The following ZRANB2 variants were observed in gnomAD, a reference collection of about 807,000 sequenced individuals.
ZRANB2 encodes the protein zinc finger Ran-binding domain-containing protein 2.
Under a neutral mutation model 53.4 loss-of-function variants are expected in ZRANB2, and 19 were observed. The observed-to-expected ratio is 0.36, with a 90% CI of 0.25 to 0.52. ZRANB2 has a LOEUF of 0.52. Among genes scored for constraint, ZRANB2 ranks in the 20% least tolerant of loss-of-function variants. ZRANB2 has a pLI of 0.93. For missense variants in ZRANB2, 309 were observed against 401.1 expected, an observed-to-expected ratio of 0.77 and a Z score of 1.96; for synonymous variants, 145 against 134.8, an observed-to-expected ratio of 1.08 and a Z score of -0.52.
chr1:71,072,572 T>A, intron 4 of ZRANB2, 24 bp from the exon 5 acceptor site: 2 of 1,558,140 alleles, frequency 1.3e-6, no homozygotes, highest in East Asian at 4.5e-5. Context: ...GCACAAATTG[T>A]TACCCTATGA....
Position 71,071,108 on chromosome 1 carries a change from C to T in ZRANB2, c.514-112G>A, listed in dbSNP as rs142774098. On this transcript the variant is annotated intron_variant, in intron 6 of 9. Transcript: ENST00000370920. Reference sequence around the variant, plus strand: ...CCATATGCATATATCACAGGTATCTCAGCAAATTAATTCTGAATTCTAAAA... The same window carrying T: ...CCATATGCATATATCACAGGTATCTTAGCAAATTAATTCTGAATTCTAAAA... 5 of 865,360 alleles carry T rather than the reference C, an allele frequency of 5.8e-6. No homozygotes were observed. The East Asian group carries it at 1.5e-4, about 26-fold the overall frequency. 53.6% of individuals were successfully genotyped at this position (865,360 alleles called of 1,614,324 possible).
chr1:71,071,236 T>C (rs539136579), intron 6 of ZRANB2, among the ~76,000 whole-genome samples: 46 of 152,292 alleles, frequency 3.0e-4, no homozygotes, highest in African/African-American at 1.1e-3. Context: ...GTCACACTTA[T>C]GCATCACCCA....
intron 8 of ZRANB2, chr1:71,067,462 A>T (rs549106878): frequency 3.0e-4 from 87 of 287,176 alleles, no homozygotes; most frequent in African/African-American, 1.9e-3. Flanking sequence ...TCAAGAAGAA[A>T]TAAAAACTAA....
intron 6 of ZRANB2, among the ~76,000 whole-genome samples, chr1:71,071,217 A>C (rs1661587693): frequency 6.6e-6 from 1 of 152,076 alleles, no homozygotes; most frequent in Non-Finnish European, 1.5e-5. Context: ...GGCCATACAC[A>C]CTTTTTCTGT....
chr1:71,078,634 A>G (rs746034218), intron 2 of ZRANB2, 22 bp downstream of exon 2: 1 of 1,610,910 alleles, frequency 6.2e-7, no homozygotes, highest in South Asian at 1.1e-5. Flanking sequence ...CAGTATAAAT[A>G]GAATCTTCTT....
intron 8 of ZRANB2, chr1:71,067,586 TA>T (rs1661476477): frequency 5.0e-6 from 2 of 398,098 alleles, no homozygotes; most frequent in Non-Finnish European, 9.9e-6. Flanking sequence ...AATGTTTAAA[TA>T]CAAATTTTTT....
At chr1:71,065,703 G>C in intron 9 of ZRANB2, 1 of 1,612,236 alleles carries the variant, frequency 6.2e-7, no homozygotes, top group African/African-American at 1.3e-5. Flanking sequence ...GTGTTCCGTA[G>C]GGGTTGGCCC....
rs1264806682 is a variant in ZRANB2 at position 71,066,783 on chromosome 1, G to A, written c.922C>T (p.Pro308Ser). The change falls in exon 9 of 10, where the codon CCC becomes TCC. Residue 308 changes from proline to serine, a missense_variant. Transcript: ENST00000370920. ...TTCTACAGAAACCCAAACCTTTCGG[G>A]TGACCGTGATCTTGTTCGTCTTTTT... ...RKKRRTRSRS[P>S]ERRHRSSSGS... is the part of the protein sequence containing the mutation. The A allele has an allele frequency of 3.7e-6, 6 of 1,611,210 alleles. No individual in the cohort carries two copies. The highest frequency in any genetic ancestry group is 1.3e-5 in the African/African-American group (1 of 74,780).
intron 8 of ZRANB2, among the ~76,000 whole-genome samples, chr1:71,068,062 A>G (rs933359164): frequency 2.0e-5 from 3 of 152,070 alleles, no homozygotes; most frequent in Admixed American, 2.0e-4. Context: ...ACGAGGTCTC[A>G]CTATATTGCC....
rs779183427 is a variant in ZRANB2, at chr1:71,076,791, A to G, written c.301+4T>C. 3.4e-5 allele frequency: 55 copies of G among 1,600,130 alleles called. No homozygotes were observed. The highest frequency in any genetic ancestry group is 4.7e-5 in the Non-Finnish European group (55 of 1,170,798). On this transcript the variant is annotated splice_donor_region_variant and intron_variant, in intron 4 of 9. Coordinates refer to ENST00000370920, the MANE Select transcript of ZRANB2 (RefSeq NM_203350.3). The stretch of plus-strand genomic sequence containing the variant: ...CATTTAGTTACAATGTGGTTTTATC[A>G]TACCTGTTCTTTCTTCTAATTTAGC...
rs1661834352 is a variant in ZRANB2, at chr1:71,080,991, G to A, written c.5C>T (p.Ser2Leu). The A allele has an allele frequency of 1.2e-6, 2 of 1,614,110 alleles. No homozygotes were observed. Among genetic ancestry groups the A allele is most frequent in the Middle Eastern group, 1.6e-4 (1 of 6,062 alleles). The change falls in exon 1 of 10, where the codon TCG becomes TTG. Residue 2 changes from serine (S) to leucine (L), a missense_variant. Ser to Leu is a moderately radical substitution (Grantham distance 145). Around this residue, in one of 3 missense-constraint regions of ZRANB2, gnomAD observed 24 missense variants for 24.9 expected, o/e 0.96. Transcript: ENST00000370920. ...GTCACTGACTCGGAAATTCTTGGTCGACATCTTGAACGCCACCAGCACAGC... is the reference window on the plus strand; with the variant it reads ...GTCACTGACTCGGAAATTCTTGGTCAACATCTTGAACGCCACCAGCACAGC... M[S>L]TKNFRVSDGD...
intron 6 of ZRANB2, among the ~76,000 whole-genome samples, chr1:71,071,362 C>G (rs889430467): frequency 1.3e-5 from 2 of 152,184 alleles, no homozygotes; most frequent in Non-Finnish European, 2.9e-5. Flanking sequence ...CTCCTCAAAT[C>G]TGAAGATCCA....
At chr1:71,069,398 C>A in intron 7 of ZRANB2, 36 bp from the exon 8 acceptor site, 1 of 1,537,282 alleles carries the variant, frequency 6.5e-7, no homozygotes, top group Non-Finnish European at 9.0e-7. Flanking sequence ...TTTTCCAGGA[C>A]CATTTAATTG....
Position 71,066,914 on chromosome 1 carries a change from C to T in ZRANB2, c.791G>A (p.Arg264Lys), listed in dbSNP as rs1573050158. 6.3e-7 allele frequency: 1 copy of T among 1,589,382 alleles called. No individual in the cohort carries two copies. The highest frequency in any genetic ancestry group is 1.2e-5 in the South Asian group (1 of 84,194). ...TCTTTTTCGTGGGGAAGAAGAGCCC[C>T]TGTGGGACCTGGAGCTGGATCTTCA... is the stretch of plus-strand genomic sequence containing the variant. ...SKSRSSSRSH[R>K]GSSSPRKRSY... Residue 264 changes from arginine (R) to lysine (K), a missense_variant, in exon 9 of 10, where the codon AGG (arginine) becomes AAG (lysine). Around this residue, in one of 3 missense-constraint regions of ZRANB2, gnomAD observed 211 missense variants for 196.1 expected, o/e 1.08. Transcript: ENST00000370920.
intron 6 of ZRANB2, among the ~76,000 whole-genome samples, 197 bp downstream of exon 6, chr1:71,071,924 C>T (rs546711901): frequency 4.6e-5 from 7 of 152,214 alleles, no homozygotes; most frequent in East Asian, 1.9e-4. Context: ...GGTTCTGTTT[C>T]GGTCACCACT....
intron 6 of ZRANB2, among the ~76,000 whole-genome samples, chr1:71,071,701 T>A (rs1046597836): frequency 1.3e-5 from 2 of 152,146 alleles, no homozygotes; most frequent in Non-Finnish European, 2.9e-5. Flanking sequence ...TATTTGCTGT[T>A]CTCTGCCTAA....
chr1:71,066,379 T>C (rs1661437148), intron 9 of ZRANB2: 1 of 158,594 alleles, frequency 6.3e-6, no homozygotes, highest in South Asian at 1.9e-4. Context: ...TTCCCAATGA[T>C]CTGAAAGTTA....
At chr1:71,068,865 T>C (rs1573052876) in intron 8 of ZRANB2, among the ~76,000 whole-genome samples, 1 of 151,760 alleles carries the variant, frequency 6.6e-6, no homozygotes, top group Non-Finnish European at 1.5e-5. Flanking sequence ...CAAGGTTCAC[T>C]ACAACCTTGA....
chr1:71,067,750 T>C (rs753091914), intron 8 of ZRANB2: 8 of 401,786 alleles, frequency 2.0e-5, no homozygotes, highest in Middle Eastern at 7.2e-4. Context: ...ATGATGGGTG[T>C]TCTGTAAACC....
Sources: allele counts gnomAD v4.1 joint callset (sites outside exome capture counted in the v4.1 genomes callset), GRCh38; gene constraint gnomAD v4.1.1; regional missense constraint gnomAD v4.1.1; transcripts MANE v1.5; gene names NCBI Gene and HGNC (gene_info 2026-07-23, HGNC 2026-07-21).